Variants in GPC6 observed in about 807,000 individuals in gnomAD.
The protein encoded by GPC6 is glypican 6.
In GPC6, 14 loss-of-function variants were observed where a neutral mutation model predicts 55.2. The observed-to-expected ratio is 0.25, with a 90% CI of 0.17 to 0.40. GPC6 has a LOEUF of 0.40. Among genes scored for constraint, GPC6 ranks in the 10% least tolerant of loss-of-function variants. GPC6 has a pLI of 1.00. For missense variants in GPC6, 641 were observed against 708.5 expected, an observed-to-expected ratio of 0.90 and a Z score of 1.08; for synonymous variants, 278 against 259.6, an observed-to-expected ratio of 1.07 and a Z score of -0.68.
At chr13:94,398,172 T>C (rs751523951) in intron 7 of GPC6, among the ~76,000 whole-genome samples, 4 of 151,978 alleles carry the variant, frequency 2.6e-5, no homozygotes, top group African/African-American at 4.8e-5. Flanking sequence ...ATACAAGTGG[T>C]TTCTTATAGG....
chr13:94,133,267 CAAAAA>C (rs66499161), intron 4 of GPC6, among the ~76,000 whole-genome samples: 2 of 85,098 alleles, frequency 2.4e-5, no homozygotes, highest in Non-Finnish European at 2.1e-5. Context: ...TGACCAGTGA[CAAAAA>C]AAAAAAAAAA....
At chr13:93,667,735 G>GTTTTTTTTTTTTTTTTT (rs71126408) in intron 2 of GPC6, among the ~76,000 whole-genome samples, 14 of 123,148 alleles carry the variant, frequency 1.1e-4, no homozygotes, top group African/African-American at 5.2e-4. Context: ...GCCAGGACTT[G>GTTTTTTTTTTTTTTTTT]TTTTTTTTTT....
At chr13:93,882,344 T>C (rs1875043295) in intron 3 of GPC6, among the ~76,000 whole-genome samples, 1 of 151,670 alleles carries the variant, frequency 6.6e-6, no homozygotes. Context: ...ACAGGGTTTC[T>C]CCATGTTGCC....
intron 2 of GPC6, among the ~76,000 whole-genome samples, chr13:93,755,111 A>G (rs1319712522): frequency 1.3e-5 from 2 of 152,214 alleles, no homozygotes; most frequent in African/African-American, 2.4e-5. Context: ...GTGTCAATCA[A>G]CAGTTTCTAA....
At chr13:93,430,742 G>A (rs2139273866) in intron 1 of GPC6, among the ~76,000 whole-genome samples, 1 of 152,214 alleles carries the variant, frequency 6.6e-6, no homozygotes, top group South Asian at 2.1e-4. Context: ...AGAAAATCCT[G>A]CAAAGTGCTC....
At chr13:93,282,302 T>C (rs971987601) in intron 1 of GPC6, among the ~76,000 whole-genome samples, 4 of 152,122 alleles carry the variant, frequency 2.6e-5, no homozygotes, top group African/African-American at 9.7e-5. Context: ...TTTGCTAAAA[T>C]TGTCCTTAGC....
At chr13:93,996,254 C>T (rs1387413746) in intron 3 of GPC6, among the ~76,000 whole-genome samples, 1 of 152,132 alleles carries the variant, frequency 6.6e-6, no homozygotes, top group African/African-American at 2.4e-5. Flanking sequence ...CACAAAGAGC[C>T]TACTACAGAA....
rs763469490 is a variant in GPC6 at position 93,524,922 on chromosome 13, G to A, written c.161-20341G>A. On this transcript the variant is annotated intron_variant, in intron 1 of 8. Coordinates refer to ENST00000377047, the MANE Select transcript of GPC6 (RefSeq NM_005708.5). ...ATTCTGCAGAGGGCGATAATTCTGC[G>A]GGAGATCTTCTTCAGAAGGAATCAG... Among the ~76,000 whole-genome samples the A allele has an allele frequency of 9.2e-5, 14 of 152,126 alleles. No homozygotes were observed. In the South Asian group the frequency reaches 1.7e-3, roughly 18 times the overall value.
intron 4 of GPC6, among the ~76,000 whole-genome samples, chr13:94,066,652 C>G (rs1317244585): frequency 1.3e-5 from 2 of 152,128 alleles, no homozygotes; most frequent in East Asian, 1.9e-4. Flanking sequence ...AGAGAAGAAG[C>G]CTAAGGTGCA....
At chr13:93,228,297 T>C (rs529906565) in intron 1 of GPC6, among the ~76,000 whole-genome samples, 4 of 152,172 alleles carry the variant, frequency 2.6e-5, no homozygotes, top group Non-Finnish European at 5.9e-5. Context: ...GGTTCCTCAG[T>C]GCTTCCCCAG....
At chr13:93,537,587 T>C (rs879377480) in intron 1 of GPC6, among the ~76,000 whole-genome samples, 7 of 152,112 alleles carry the variant, frequency 4.6e-5, no homozygotes, top group Admixed American at 1.3e-4. Flanking sequence ...GAAATTATAA[T>C]AGTAAAGAAA....
At chr13:94,107,722 G>T (rs529111673) in intron 4 of GPC6, among the ~76,000 whole-genome samples, 1 of 151,956 alleles carries the variant, frequency 6.6e-6, no homozygotes, top group African/African-American at 2.4e-5. Context: ...CAAAAAACAG[G>T]TTAAGGACAT....
intron 4 of GPC6, among the ~76,000 whole-genome samples, chr13:94,107,609 G>A (rs1353201771): frequency 6.8e-6 from 1 of 147,230 alleles, no homozygotes; most frequent in Admixed American, 6.9e-5. Context: ...TGCAAGATGG[G>A]ACTCATGAGT....
intron 1 of GPC6, among the ~76,000 whole-genome samples, chr13:93,441,043 C>T (rs1594171448): frequency 6.6e-6 from 1 of 152,150 alleles, no homozygotes; most frequent in South Asian, 2.1e-4. Flanking sequence ...TTTATGGCTG[C>T]ATAGTATTCC....
chr13:94,289,231 A>G (rs894224681), intron 5 of GPC6, among the ~76,000 whole-genome samples: 1 of 152,014 alleles, frequency 6.6e-6, no homozygotes, highest in Non-Finnish European at 1.5e-5. Flanking sequence ...CAAGTCCGAC[A>G]GAGCTTAAAG....
chr13:94,271,644 C>T (rs1892030248), intron 4 of GPC6, among the ~76,000 whole-genome samples: 1 of 152,072 alleles, frequency 6.6e-6, no homozygotes, highest in African/African-American at 2.4e-5. Flanking sequence ...AAACTAATCT[C>T]AGTGCCCTAA....
chr13:93,554,366 G>A (rs1367778077), intron 2 of GPC6, among the ~76,000 whole-genome samples: 3 of 152,114 alleles, frequency 2.0e-5, no homozygotes, highest in African/African-American at 7.2e-5. Context: ...CTTAGCTTAT[G>A]CTCCCATCCA....
At chr13:93,911,997 A>G (rs1877009961) in intron 3 of GPC6, among the ~76,000 whole-genome samples, 1 of 152,138 alleles carries the variant, frequency 6.6e-6, no homozygotes, top group Admixed American at 6.5e-5. Flanking sequence ...GCAGGAAGAG[A>G]AGCATCATCC....
At chr13:94,143,094 G>T (rs1887442473) in intron 4 of GPC6, among the ~76,000 whole-genome samples, 2 of 151,460 alleles carry the variant, frequency 1.3e-5, no homozygotes, top group Admixed American at 1.3e-4. Flanking sequence ...CAAAGTGCTG[G>T]GATTACAGAC....
Sources: gnomAD v4.1 joint callset for allele counts (sites outside exome capture counted in the v4.1 genomes callset) on GRCh38, gnomAD v4.1.1 for gene constraint, MANE v1.5 for transcripts, NCBI Gene and HGNC (gene_info 2026-07-23, HGNC 2026-07-21) for gene names.